Variants in LTA4H observed in about 807,000 individuals in gnomAD.
LTA4H encodes leukotriene A-4 hydrolase.
In LTA4H, 59 loss-of-function variants were observed where a neutral mutation model predicts 89.8. That is an observed-to-expected ratio of 0.66 (90% CI 0.53 to 0.82). LTA4H has a LOEUF of 0.82. LTA4H is among the 40% of genes least tolerant of loss of function. The pLI is 0.00. For missense variants in LTA4H, 617 were observed against 727.0 expected (o/e 0.85, Z 1.74); for synonymous variants, 227 against 253.1 (o/e 0.90, Z 0.98).
chr12:96,002,944 C>A lies in LTA4H; in HGVS notation c.1718+16G>T. 1 of 1,540,788 alleles carries A rather than the reference C, an allele frequency of 6.5e-7. No individual in the cohort carries two copies. The highest frequency in any genetic ancestry group is 8.9e-7 in the Non-Finnish European group (1 of 1,125,560). On this transcript the variant is annotated intron_variant, in intron 18 of 18. Transcript: ENST00000228740. ...TTCTTAGATGAATTCAAAGTACGGT[C>A]TGAGTGGGTTCTTACTTGAATAAGG...
chr12:96,005,234 GCT>G (rs904651285), intron 16 of LTA4H, among the ~76,000 whole-genome samples: 16 of 152,070 alleles, frequency 1.1e-4, no homozygotes, highest in African/African-American at 3.9e-4. Flanking sequence ...CAGTCACAGA[GCT>G]CTGTGCTTTC....
chr12:96,036,871 A>G (rs566366005), upstream of LTA4H, among the ~76,000 whole-genome samples: 1 of 152,318 alleles, frequency 6.6e-6, no homozygotes, highest in African/African-American at 2.4e-5. Context: ...GGTAGGCCTC[A>G]GGAAGCTTAC....
intron 11 of LTA4H, 31 bp from the exon 12 acceptor site, chr12:96,015,030 T>C (rs1208791577): frequency 1.2e-6 from 2 of 1,601,746 alleles, no homozygotes. Flanking sequence ...TGGAGAAACA[T>C]ATAGAAAGAC....
chr12:96,017,145 CTGAT>C, intron 9 of LTA4H, 31 bp from the exon 10 acceptor site: 1 of 1,440,856 alleles, frequency 6.9e-7, no homozygotes, highest in African/African-American at 1.4e-5. Context: ...AATAGTAAGA[CTGAT>C]TATCTTAACC....
Position 96,009,506 on chromosome 12 carries a change from T to C in LTA4H, c.1380-358A>G, listed in dbSNP as rs531297444. On this transcript the variant is annotated intron_variant, in intron 14 of 18. Coordinates refer to ENST00000228740, the MANE Select transcript of LTA4H (RefSeq NM_000895.3). ...GTTCTAGGCACTCAAGACAACAAGA[T>C]GAACAACATCAAGTCCTTGCTGTCA... The C allele has an allele frequency of 1.3e-4, 27 of 205,870 alleles. No individual in the cohort carries two copies. In the South Asian group the frequency reaches 2.4e-3, roughly 18 times the overall value. The allele number at this position is 205,870 out of a possible 1,614,324, so 12.8% of individuals were successfully genotyped here.
At chr12:96,011,457 G>A (rs1239591016) in intron 14 of LTA4H, 1 of 151,930 alleles carries the variant, frequency 6.6e-6, no homozygotes, top group African/African-American at 2.4e-5. Context: ...CTCTGTCCTA[G>A]CTCTAAAATG....
Position 96,035,454 on chromosome 12 carries a change from C to A in LTA4H, c.66G>T (p.Leu22=), listed in dbSNP as rs149683156. 4.9e-5 allele frequency: 79 copies of A among 1,609,754 alleles called. 1 individual carries two copies. In the East Asian group the frequency reaches 9.6e-4, roughly 20 times the overall value. The part of the protein sequence containing the change: ...SPASVCRTKH[L]HLRCSVDFTR... ...TAAAGTCGACGCTGCAGCGCAGGTG[C>A]AGGTGCTTGGTCCGGCAGACGGAAG... The change falls in exon 1 of 19, where the codon CTG becomes CTT. Residue 22 remains leucine, a synonymous_variant. Transcript: ENST00000228740.
intron 3 of LTA4H, among the ~76,000 whole-genome samples, chr12:96,026,194 T>C (rs889457347): frequency 4.9e-4 from 75 of 152,196 alleles, no homozygotes; most frequent in African/African-American, 1.8e-3. Flanking sequence ...TAATGGTTTC[T>C]AGTTAGGTGA....
rs186858800 is a variant in LTA4H, at chr12:96,013,134, G to A, written c.1379+54C>T. Reference sequence around the variant, plus strand: ...ATACTATTCTTTCAGATATTTTGAGGCTCTCTAGGAGTTAGGAGAATGAGA... The same window carrying A: ...ATACTATTCTTTCAGATATTTTGAGACTCTCTAGGAGTTAGGAGAATGAGA... On this transcript the variant is annotated intron_variant, in intron 14 of 18. Transcript: ENST00000228740. 424 of 1,317,172 alleles carry A rather than the reference G, an allele frequency of 3.2e-4. 2 individuals carry two copies. The African/African-American group carries it at 4.7e-3, about 15-fold the overall frequency. 81.6% of individuals were successfully genotyped at this position (1,317,172 alleles called of 1,614,324 possible). A position where few individuals can be genotyped will look rare whatever the true frequency, so the allele number is the denominator to read the frequency against.
In LTA4H at chr12:96,014,998, A is replaced by C; in HGVS notation, c.1061T>G (p.Val354Gly). ...LGGWGELQNS[V>G]KTFGETHPFT... ...AGGATGTGTCTCCCCAAATGTCTTT[A>C]CCTGCAAGACATGAAATAACATGGA... The change falls in exon 12 of 19, where the codon GTA becomes GGA. Residue 354 changes from valine (V) to glycine (G), a missense_variant and splice_region_variant. Physicochemically the swap from Val to Gly is moderately radical, Grantham distance 109 (BLOSUM62 -3). This residue lies in a region of LTA4H where 290 missense variants were observed against 339.1 expected (regional missense o/e 0.86). Transcript: ENST00000228740. 1 of 1,607,610 alleles carries C rather than the reference A, an allele frequency of 6.2e-7. No homozygotes were observed. The highest frequency in any genetic ancestry group is 8.5e-7 in the Non-Finnish European group (1 of 1,178,174).
intron 4 of LTA4H, among the ~76,000 whole-genome samples, chr12:96,023,753 G>C (rs1485335131): frequency 6.6e-6 from 1 of 152,194 alleles, no homozygotes; most frequent in Admixed American, 6.5e-5. Context: ...AGTTGGAATT[G>C]CATACAGACA....
chr12:96,019,155 C>T lies in LTA4H; in HGVS notation c.711+13G>A. The T allele has an allele frequency of 6.2e-7, 1 of 1,606,656 alleles. No individual in the cohort carries two copies. ...CTATCACAATGATTACAAAGGATAA[C>T]TAAATGACCAACCTCAGAAAACTCA... On this transcript the variant is annotated intron_variant, in intron 7 of 18. Coordinates refer to ENST00000228740, the MANE Select transcript of LTA4H (RefSeq NM_000895.3).
chr12:96,011,702 G>A (rs1950303671), intron 14 of LTA4H: 1 of 152,130 alleles, frequency 6.6e-6, no homozygotes, highest in South Asian at 2.1e-4. Context: ...GGATTGAGCT[G>A]AATCTTTATT....
In LTA4H at chr12:96,019,231, G is replaced by A; in HGVS notation, c.648C>T (p.Gly216=). The A allele has an allele frequency of 6.2e-7, 1 of 1,609,512 alleles. No individual in the cohort carries two copies. Among genetic ancestry groups the A allele is most frequent in the Non-Finnish European group, 8.5e-7 (1 of 1,178,814 alleles). The change falls in exon 7 of 19, where the codon GGC becomes GGT. Residue 216 remains glycine (G), a synonymous_variant. Coordinates refer to ENST00000228740, the MANE Select transcript of LTA4H (RefSeq NM_000895.3). The part of the protein sequence containing the change: ...VVGALESRQI[G]PRTLVWSEKE... ...TCTCAGACCACACCAAAGTTCTTGG[G>A]CCAATTTGCCTGCAAGATTAAAAAG...
intron 1 of LTA4H, among the ~76,000 whole-genome samples, chr12:96,034,071 T>C (rs1950606634): frequency 6.6e-6 from 1 of 152,188 alleles, no homozygotes; most frequent in Admixed American, 6.5e-5. Context: ...TAAGTACTTA[T>C]TAGTTCATAT....
At chr12:96,024,747 C>A (rs1950494755) in intron 3 of LTA4H, among the ~76,000 whole-genome samples, 200 bp from the exon 4 acceptor site, 1 of 151,338 alleles carries the variant, frequency 6.6e-6, no homozygotes. Flanking sequence ...TGGCTCACTG[C>A]AACCTCCACC....
intron 1 of LTA4H, among the ~76,000 whole-genome samples, chr12:96,042,436 A>C (rs886106121): frequency 4.6e-5 from 7 of 152,108 alleles, no homozygotes; most frequent in African/African-American, 1.7e-4. Flanking sequence ...ACCTTAAAGC[A>C]TGATTAAACA....
rs761234297 is a variant in LTA4H, at chr12:96,022,003, A to G, written c.585+144T>C. 8.1e-6 allele frequency: 5 copies of G among 616,288 alleles called. No individual in the cohort carries two copies. The highest frequency in any genetic ancestry group is 1.4e-5 in the Non-Finnish European group (5 of 345,668). The allele number at this position is 616,288 out of a possible 1,614,324, so 38.2% of individuals were successfully genotyped here. A position where few individuals can be genotyped will look rare whatever the true frequency, so the allele number is the denominator to read the frequency against. On this transcript the variant is annotated intron_variant, in intron 5 of 18. Coordinates refer to ENST00000228740, the MANE Select transcript of LTA4H (RefSeq NM_000895.3). This position sits in a 1 kb window ranked among gnomAD's most constrained non-coding sequence, Gnocchi z 4.0. ...GAACAAAACCCTTTAAAAGCACAAA[A>G]GAAAAAAAAATGAAGAAAACAAAAA...
In LTA4H at chr12:96,022,173, T is replaced by G. The variant is rs772243016; in HGVS notation, c.559A>C (p.Arg187=). Reference sequence around the variant, plus strand: ...TTTTGGATGAATTTGTATATTTTCCTGCTTGGGTCTTCTGGGTCAGGTGTT... The same window carrying G: ...TTTTGGATGAATTTGTATATTTTCCGGCTTGGGTCTTCTGGGTCAGGTGTT... The part of the protein sequence containing the change: ...GETPDPEDPS[R]KIYKFIQKVP... The change falls in exon 5 of 19, where the codon AGG becomes CGG. Residue 187 remains arginine, a synonymous_variant. Transcript: ENST00000228740. This position sits in a 1 kb window ranked among gnomAD's most constrained non-coding sequence, Gnocchi z 4.0. The G allele has an allele frequency of 3.1e-6, 5 of 1,613,826 alleles. No individual in the cohort carries two copies. In the African/African-American group the frequency reaches 5.3e-5, roughly 17 times the overall value.
Sources: gnomAD v4.1 joint callset for allele counts (sites outside exome capture counted in the v4.1 genomes callset) on GRCh38, gnomAD v4.1.1 for gene constraint, gnomAD v4.1.1 regional missense constraint, Gnocchi (gnomAD v3.1) non-coding constraint, MANE v1.5 for transcripts, NCBI Gene and HGNC (gene_info 2026-07-23, HGNC 2026-07-21) for gene names.